The following PIK3C2G variants were observed in gnomAD, a reference collection of about 807,000 sequenced individuals.
The protein encoded by PIK3C2G is phosphatidylinositol 3-kinase C2 domain-containing subunit gamma.
In PIK3C2G, 168 loss-of-function variants were observed where a neutral mutation model predicts 181.1. The ratio of observed to expected loss-of-function variants is 0.93; its 90% CI spans 0.82 to 1.05. The LOEUF (loss-of-function observed/expected upper bound fraction) is 1.05, where lower values mean the gene tolerates loss of function less well. Ranked by LOEUF, PIK3C2G falls within the 50% of genes least tolerant of loss-of-function variation. PIK3C2G has a pLI of 0.00. For missense variants in PIK3C2G, 1,869 were observed against 1,732.8 expected, an observed-to-expected ratio of 1.08 and a Z score of -1.40; for synonymous variants, 573 against 592.2, an observed-to-expected ratio of 0.97 and a Z score of 0.47.
chr12:18,529,563 T>A (rs1943432361), intron 24 of PIK3C2G, among the ~76,000 whole-genome samples: 2 of 152,192 alleles, frequency 1.3e-5, no homozygotes, highest in African/African-American at 2.4e-5. Flanking sequence ...ATTTTGTTTT[T>A]AAATAGCTTA....
At chr12:18,281,827 C>A (rs1025836304) in intron 1 of PIK3C2G, among the ~76,000 whole-genome samples, 177 bp from the exon 2 acceptor site, 2 of 151,878 alleles carry the variant, frequency 1.3e-5, no homozygotes, top group African/African-American at 2.4e-5. Flanking sequence ...CAATACTTTC[C>A]TTTCAGACTT....
chr12:18,407,062 C>A (rs1215768902), intron 16 of PIK3C2G, among the ~76,000 whole-genome samples: 2 of 151,958 alleles, frequency 1.3e-5, no homozygotes, highest in East Asian at 1.9e-4. Flanking sequence ...ATATTATATA[C>A]CTCCTAGGGT....
chr12:18,451,782 G>A (rs749728340), intron 18 of PIK3C2G, among the ~76,000 whole-genome samples: 2 of 152,136 alleles, frequency 1.3e-5, no homozygotes, highest in Non-Finnish European at 2.9e-5. Flanking sequence ...AGCATGAAGG[G>A]GTGTTGAATT....
the PIK3C2G span, among the ~76,000 whole-genome samples, chr12:18,712,085 A>G: frequency 6.6e-6 from 1 of 152,166 alleles, no homozygotes; most frequent in Non-Finnish European, 1.5e-5. Context: ...TATTAGGTAC[A>G]CATTACACAG....
intron 5 of PIK3C2G, among the ~76,000 whole-genome samples, chr12:18,303,139 T>TTTCTTTCTTTCTTTC (rs71302109): frequency 0.078 from 9,942 of 127,988 alleles, 506 homozygotes; most frequent in Middle Eastern, 0.11. Flanking sequence ...TCTTTCTTTC[T>TTTCTTTCTTTCTTTC]TTTCTTTTCT....
At chr12:18,512,538 CTAAG>C (rs918304983) in intron 24 of PIK3C2G, among the ~76,000 whole-genome samples, 1 of 151,582 alleles carries the variant, frequency 6.6e-6, no homozygotes, top group African/African-American at 2.4e-5. Context: ...AAATTTGCAC[CTAAG>C]TATTTGATTT....
At chr12:18,628,188 A>G (rs1033107155) in intron 31 of PIK3C2G, among the ~76,000 whole-genome samples, 2 of 152,120 alleles carry the variant, frequency 1.3e-5, no homozygotes, top group African/African-American at 4.8e-5. Flanking sequence ...ATTTTAATAG[A>G]GTTCTTTAAA....
chr12:18,315,610 A>ATGTATGTATGTATGCAT, intron 6 of PIK3C2G, among the ~76,000 whole-genome samples: 1 of 152,206 alleles, frequency 6.6e-6, no homozygotes, highest in African/African-American at 2.4e-5. Flanking sequence ...CTGAGACTTT[A>ATGTATGTATGTATGCAT]ACATTTCTAT....
intron 11 of PIK3C2G, among the ~76,000 whole-genome samples, chr12:18,347,879 T>C (rs1939828085): frequency 6.6e-6 from 1 of 152,086 alleles, no homozygotes. Context: ...AAATAAACTG[T>C]ATAAATATTC....
intron 14 of PIK3C2G, among the ~76,000 whole-genome samples, chr12:18,388,936 G>A (rs1040049754): frequency 3.9e-5 from 6 of 152,126 alleles, no homozygotes; most frequent in Non-Finnish European, 8.8e-5. Flanking sequence ...TGTTGCTGTT[G>A]TTGTTGTTGC....
the PIK3C2G span, among the ~76,000 whole-genome samples, chr12:18,722,369 G>C: frequency 6.6e-6 from 1 of 151,910 alleles, no homozygotes; most frequent in African/African-American, 2.4e-5. Context: ...AACCATACTT[G>C]GTTACTACAG....
chr12:18,627,804 T>C (rs921818487), intron 31 of PIK3C2G, among the ~76,000 whole-genome samples: 3 of 152,234 alleles, frequency 2.0e-5, no homozygotes, highest in African/African-American at 7.2e-5. Flanking sequence ...GTTTCTGGTA[T>C]AGACCTCAGG....
chr12:18,524,783 G>T (rs976977706), intron 24 of PIK3C2G, among the ~76,000 whole-genome samples: 2 of 151,666 alleles, frequency 1.3e-5, no homozygotes, highest in Non-Finnish European at 2.9e-5. Context: ...GGCCAGGCTG[G>T]TCTCAAACTC....
intron 24 of PIK3C2G, among the ~76,000 whole-genome samples, chr12:18,515,861 C>T (rs940472994): frequency 2.0e-5 from 3 of 151,802 alleles, no homozygotes; most frequent in African/African-American, 7.3e-5. Flanking sequence ...TATAAATTTC[C>T]CTCATAGAAC....
intron 26 of PIK3C2G, among the ~76,000 whole-genome samples, chr12:18,561,877 C>A (rs1321928077): frequency 5.9e-5 from 9 of 151,372 alleles, no homozygotes; most frequent in African/African-American, 1.9e-4. Flanking sequence ...AAGTATGCTA[C>A]CTTTTTTAAA....
chr12:18,567,351 A>G (rs1187230818), intron 29 of PIK3C2G, among the ~76,000 whole-genome samples: 1 of 152,076 alleles, frequency 6.6e-6, no homozygotes, highest in Non-Finnish European at 1.5e-5. Flanking sequence ...GTGAGCTATG[A>G]TAGTGCCACT....
rs1423242648 is a variant in PIK3C2G, at chr12:18,496,058, A to G, written c.2794-4A>G. The G allele has an allele frequency of 2.0e-6, 3 of 1,464,636 alleles. No individual in the cohort carries two copies. Among genetic ancestry groups the G allele is most frequent in the African/African-American group, 1.4e-5 (1 of 69,762 alleles). 90.7% of individuals were successfully genotyped at this position (1,464,636 alleles called of 1,614,324 possible). On this transcript the variant is annotated splice_polypyrimidine_tract_variant and splice_region_variant and intron_variant, in intron 20 of 32. Coordinates refer to ENST00000538779, the MANE Select transcript of PIK3C2G (RefSeq NM_001288772.2). ...ACTAGTTTTCCCTTTTTCTTTTCCT[A>G]TAGGCATGTTCATATTTTACATCTA...
chr12:18,606,200 C>A (rs186642561), intron 30 of PIK3C2G, among the ~76,000 whole-genome samples: 1 of 152,234 alleles, frequency 6.6e-6, no homozygotes, highest in East Asian at 1.9e-4. Flanking sequence ...TCAGTCAGTT[C>A]AAGTGGCAAT....
At chr12:18,688,672 C>T in the PIK3C2G span, among the ~76,000 whole-genome samples, 15 of 151,814 alleles carry the variant, frequency 9.9e-5, no homozygotes, top group African/African-American at 3.4e-4. Flanking sequence ...TCAGTTATTT[C>T]ATATGTATAT....
Sources: gnomAD v4.1 joint callset for allele counts (sites outside exome capture counted in the v4.1 genomes callset) on GRCh38, gnomAD v4.1.1 for gene constraint, MANE v1.5 for transcripts, NCBI Gene and HGNC (gene_info 2026-07-23, HGNC 2026-07-21) for gene names.